AMZ2: variants seen among roughly 807,000 people sequenced by gnomAD.
The protein encoded by AMZ2 is archaemetzincin-2.
In AMZ2, 26 loss-of-function variants were observed where a neutral mutation model predicts 36.7. The observed-to-expected ratio is 0.71, with a 90% CI of 0.52 to 0.98. AMZ2 has a LOEUF of 0.98. AMZ2 is among the 50% of genes least tolerant of loss of function. The pLI is 0.00. For missense variants in AMZ2, 394 were observed against 430.5 expected (o/e 0.92, Z 0.75); for synonymous variants, 144 against 149.1 (o/e 0.97, Z 0.25).
intron 1 of AMZ2, among the ~76,000 whole-genome samples, chr17:68,242,218 C>T (rs189979267): frequency 2.0e-5 from 3 of 151,978 alleles, no homozygotes; most frequent in Admixed American, 2.0e-4. Flanking sequence ...GGCAGGGAAC[C>T]ACCTAGAAAG....
At chr17:68,253,253 A>G (rs2074624483) in intron 4 of AMZ2, among the ~76,000 whole-genome samples, 1 of 152,220 alleles carries the variant, frequency 6.6e-6, no homozygotes, top group African/African-American at 2.4e-5. Context: ...ATTTTCAAAT[A>G]TCAGTCTACA....
intron 1 of AMZ2, among the ~76,000 whole-genome samples, chr17:68,216,565 G>A (rs1555727294): frequency 6.6e-6 from 1 of 152,172 alleles, no homozygotes. Flanking sequence ...TTTTCAGAAC[G>A]TATTTTATGA....
chr17:68,255,116 A>G (rs1555742055), intron 5 of AMZ2, among the ~76,000 whole-genome samples: 1 of 152,224 alleles, frequency 6.6e-6, no homozygotes, highest in Non-Finnish European at 1.5e-5. Context: ...GGGGTTTGAC[A>G]GCTACACCTC....
intron 4 of AMZ2, among the ~76,000 whole-genome samples, chr17:68,253,869 C>T (rs2074688866): frequency 6.6e-6 from 1 of 151,988 alleles, no homozygotes. Flanking sequence ...TCTCCCGCCT[C>T]AGCCTCCCTA....
At position 68,248,592 on chromosome 17, in the gene AMZ2, T is replaced by G; in HGVS notation, c.-114T>G. The G allele has an allele frequency of 1.0e-6, 1 of 985,924 alleles. No individual in the cohort carries two copies. Among genetic ancestry groups the G allele is most frequent in the Non-Finnish European group, 1.2e-6 (1 of 829,964 alleles). The allele number at this position is 985,924 out of a possible 1,614,324, so 61.1% of individuals were successfully genotyped here. A position where few individuals can be genotyped will look rare whatever the true frequency, so the allele number is the denominator to read the frequency against. On this transcript the variant is annotated 5_prime_UTR_variant, in exon 1 of 7. Coordinates refer to ENST00000359904, the MANE Select transcript of AMZ2 (RefSeq NM_016627.5). ...GAGGAGGCCTCCTGACCTTTCACAC[T>G]GCCTTTTTAATATTAAGATGAAGTC...
At chr17:68,226,360 G>A (rs1280878075) in intron 1 of AMZ2, among the ~76,000 whole-genome samples, 7 of 152,236 alleles carry the variant, frequency 4.6e-5, no homozygotes, top group Admixed American at 3.9e-4. Context: ...GCTTCCTTCA[G>A]GACGAAGAGT....
Position 68,248,649 on chromosome 17 carries a change from G to C in AMZ2, c.-57G>C. On this transcript the variant is annotated 5_prime_UTR_variant, in exon 1 of 7. Coordinates refer to ENST00000359904, the MANE Select transcript of AMZ2 (RefSeq NM_016627.5). ...CACAACTTTCTTCCAGCCAGGCCCA[G>C]ACATGTCCGTCCTTGTAAGTTAAAA... is the stretch of plus-strand genomic sequence containing the variant. The C allele has an allele frequency of 1.0e-6, 1 of 986,052 alleles. No individual in the cohort carries two copies. The highest frequency in any genetic ancestry group is 1.7e-5 in the African/African-American group (1 of 57,372). 61.1% of individuals were successfully genotyped at this position (986,052 alleles called of 1,614,324 possible).
chr17:68,233,448 G>T (rs1423585972), intron 1 of AMZ2, among the ~76,000 whole-genome samples: 2 of 150,694 alleles, frequency 1.3e-5, no homozygotes, highest in African/African-American at 4.9e-5. Flanking sequence ...GGCGGAGGTT[G>T]CAGTGAGCCG....
chr17:68,254,689 G>A, intron 5 of AMZ2, 122 bp downstream of exon 5: 1 of 897,296 alleles, frequency 1.1e-6, no homozygotes, highest in Non-Finnish European at 1.7e-6. Context: ...TATAATTTTG[G>A]TGCATAGTGC....
upstream of AMZ2, chr17:68,247,727 C>G (rs782011623): frequency 1.0e-4 from 102 of 985,394 alleles, no homozygotes; most frequent in Non-Finnish European, 1.2e-4. Flanking sequence ...GAGGACGTTC[C>G]CACACGGGAG....
rs1339157573 is a variant in AMZ2 at position 68,209,630 on chromosome 17, A to ATG, written c.-67+3393_-67+3394insGT. 4.5e-3 allele frequency among the ~76,000 whole-genome samples: 446 copies of ATG among 98,390 alleles called. 1 individual carries two copies. The highest frequency in any genetic ancestry group is 0.01 in the Middle Eastern group (2 of 192). The allele number at this position is 98,390 out of a possible 152,430, so 64.5% of individuals were successfully genotyped here. ...TATATGTATATATATATATATATAT[A>ATG]TATTTTTTTTTTTTTTTATACAGAG... On this transcript the variant is annotated intron_variant, in intron 1 of 7. Coordinates refer to the AMZ2 transcript ENST00000674770.
At chr17:68,220,717 C>T (rs2073324626) in intron 1 of AMZ2, among the ~76,000 whole-genome samples, 1 of 151,860 alleles carries the variant, frequency 6.6e-6, no homozygotes, top group Non-Finnish European at 1.5e-5. Context: ...TGCTCCAACC[C>T]TTCAGAGAAA....
intron 2 of AMZ2, 91 bp downstream of exon 2, chr17:68,250,561 C>A: frequency 6.8e-7 from 1 of 1,471,312 alleles, no homozygotes; most frequent in Non-Finnish European, 9.1e-7. Context: ...TTCAGATGGG[C>A]CGTTTTAGGA....
At chr17:68,221,209 T>TA (rs148591849) in intron 1 of AMZ2, among the ~76,000 whole-genome samples, 1 of 66,778 alleles carries the variant, frequency 1.5e-5, no homozygotes, top group Non-Finnish European at 2.7e-5. Flanking sequence ...AGCCCTCAGC[T>TA]CCCCCCCCCG....
chr17:68,214,505 T>G (rs1555726811), intron 1 of AMZ2, among the ~76,000 whole-genome samples: 1 of 152,166 alleles, frequency 6.6e-6, no homozygotes, highest in Non-Finnish European at 1.5e-5. Flanking sequence ...TTTCTCCCAG[T>G]CCAGGGAACC....
intron 1 of AMZ2, among the ~76,000 whole-genome samples, chr17:68,227,070 A>G (rs1555730091): frequency 6.6e-6 from 1 of 151,430 alleles, no homozygotes; most frequent in Non-Finnish European, 1.5e-5. Flanking sequence ...TTCCTTTACC[A>G]GAACTGGAAC....
intron 1 of AMZ2, among the ~76,000 whole-genome samples, chr17:68,231,785 A>G (rs2073669894): frequency 6.6e-6 from 1 of 152,226 alleles, no homozygotes; most frequent in Admixed American, 6.5e-5. Context: ...TTAGGGAACT[A>G]GGATTTCCCT....
chr17:68,207,556 A>G (rs2072878497), intron 1 of AMZ2: 1 of 152,126 alleles, frequency 6.6e-6, no homozygotes, highest in Non-Finnish European at 1.5e-5. Flanking sequence ...TCTCAGAGAG[A>G]CTGCTGTAGT....
upstream of AMZ2, among the ~76,000 whole-genome samples, chr17:68,243,744 A>T (rs185059226): frequency 1.7e-4 from 26 of 152,352 alleles, 1 homozygote; most frequent in African/African-American, 6.3e-4. Flanking sequence ...GGACATTATC[A>T]TCAAAGACAA....
Sources: gnomAD v4.1 joint callset for allele counts (sites outside exome capture counted in the v4.1 genomes callset) on GRCh38, gnomAD v4.1.1 for gene constraint, MANE v1.5 for transcripts, NCBI Gene and HGNC (gene_info 2026-07-23, HGNC 2026-07-21) for gene names.